PDE1A: variants seen among roughly 807,000 people sequenced by gnomAD.
The protein encoded by PDE1A is phosphodiesterase 1A.
Under a neutral mutation model 61.7 loss-of-function variants are expected in PDE1A, and 35 were observed. The observed-to-expected ratio is 0.57, with a 90% CI of 0.43 to 0.75. The LOEUF is 0.75. Ranked by LOEUF, PDE1A falls within the 30% of genes least tolerant of loss-of-function variation. PDE1A has a pLI of 0.00. For missense variants in PDE1A, 597 were observed against 630.6 expected (o/e 0.95, Z 0.57); for synonymous variants, 232 against 213.2 (o/e 1.09, Z -0.77).
intron 13 of PDE1A, among the ~76,000 whole-genome samples, chr2:182,180,767 G>A (rs752601424): frequency 7.9e-5 from 12 of 151,516 alleles, no homozygotes; most frequent in Admixed American, 4.6e-4. Context: ...CACATTTCTC[G>A]GAGGTTTTGT....
At chr2:182,574,086 C>T in the PDE1A span, among the ~76,000 whole-genome samples, 3 of 151,642 alleles carry the variant, frequency 2.0e-5, no homozygotes, top group Non-Finnish European at 2.9e-5. Context: ...CAATCCAAGT[C>T]CCAAAGGTGA....
At chr2:182,220,580 A>G (rs1171917215) in intron 7 of PDE1A, among the ~76,000 whole-genome samples, 1 of 152,144 alleles carries the variant, frequency 6.6e-6, no homozygotes, top group Non-Finnish European at 1.5e-5. Flanking sequence ...ACAGACTCTG[A>G]GCAACATCCA....
the PDE1A span, among the ~76,000 whole-genome samples, chr2:182,567,302 T>C: frequency 6.6e-6 from 1 of 152,184 alleles, no homozygotes; most frequent in Non-Finnish European, 1.5e-5. Context: ...GTTTGATATC[T>C]CTCCCAGCTG....
At chr2:182,599,088 C>T in the PDE1A span, among the ~76,000 whole-genome samples, 74 of 152,262 alleles carry the variant, frequency 4.9e-4, no homozygotes, top group African/African-American at 9.4e-4. Context: ...CCGCAGGTGT[C>T]GCTGCAACTA....
At chr2:182,644,350 T>C in the PDE1A span, among the ~76,000 whole-genome samples, 11 of 149,676 alleles carry the variant, frequency 7.3e-5, no homozygotes, top group Non-Finnish European at 1.2e-4. Flanking sequence ...AAAGTTGTTA[T>C]TAGATCCAAA....
At chr2:182,437,456 C>T (rs1269312149) in intron 2 of PDE1A, among the ~76,000 whole-genome samples, 1 of 151,836 alleles carries the variant, frequency 6.6e-6, no homozygotes, top group African/African-American at 2.4e-5. Flanking sequence ...CATTCATAGA[C>T]TTGTAAAGCT....
At chr2:182,575,928 CTA>C in the PDE1A span, among the ~76,000 whole-genome samples, 210 of 145,658 alleles carry the variant, frequency 1.4e-3, no homozygotes, top group African/African-American at 5.1e-3. Context: ...TATTATTATA[CTA>C]TATATAGTAT....
the PDE1A span, among the ~76,000 whole-genome samples, chr2:182,692,221 A>G: frequency 6.6e-6 from 1 of 152,020 alleles, no homozygotes; most frequent in Non-Finnish European, 1.5e-5. Context: ...AGACACACAC[A>G]CACGTTTATT....
At chr2:182,634,494 C>A in the PDE1A span, among the ~76,000 whole-genome samples, 2 of 152,152 alleles carry the variant, frequency 1.3e-5, no homozygotes, top group South Asian at 4.1e-4. Flanking sequence ...TGAAATAAAC[C>A]AAGCAACAGC....
At chr2:182,447,680 C>G (rs1240975706) in intron 2 of PDE1A, among the ~76,000 whole-genome samples, 1 of 152,044 alleles carries the variant, frequency 6.6e-6, no homozygotes, top group African/African-American at 2.4e-5. Flanking sequence ...TCTGAACAAC[C>G]ATAAATCTAT....
chr2:182,393,268 C>G (rs1312198049), intron 1 of PDE1A, among the ~76,000 whole-genome samples: 1 of 152,238 alleles, frequency 6.6e-6, no homozygotes, highest in Non-Finnish European at 1.5e-5. Context: ...GGCTTGCACC[C>G]TCTGAAGCAA....
chr2:182,364,518 G>GCTAGGAATCT (rs1699727590), intron 1 of PDE1A, among the ~76,000 whole-genome samples: 1 of 106,458 alleles, frequency 9.4e-6, no homozygotes, highest in Non-Finnish European at 1.8e-5. Flanking sequence ...TGAATTATTT[G>GCTAGGAATCT]CTAGGAATCT....
the PDE1A span, among the ~76,000 whole-genome samples, chr2:182,653,954 C>T: frequency 3.9e-5 from 6 of 152,224 alleles, no homozygotes; most frequent in Non-Finnish European, 7.4e-5. Context: ...GACCAGTTGG[C>T]ACAATGGCAT....
the PDE1A span, among the ~76,000 whole-genome samples, chr2:182,715,493 T>C: frequency 6.6e-6 from 1 of 152,206 alleles, no homozygotes; most frequent in Non-Finnish European, 1.5e-5. Flanking sequence ...CACAACTTAT[T>C]TCATGTTAGG....
intron 2 of PDE1A, among the ~76,000 whole-genome samples, chr2:182,483,297 A>G (rs1687817630): frequency 6.6e-6 from 1 of 151,982 alleles, no homozygotes; most frequent in African/African-American, 2.4e-5. Context: ...ATAAAGGGGT[A>G]TAGAAGACTT....
intron 13 of PDE1A, among the ~76,000 whole-genome samples, chr2:182,177,184 A>G (rs1466167862): frequency 6.6e-6 from 1 of 152,034 alleles, no homozygotes; most frequent in East Asian, 1.9e-4. Context: ...TTGGTATCAG[A>G]ATGATGCTGG....
chr2:182,272,680 G>A (rs941450549), intron 1 of PDE1A, among the ~76,000 whole-genome samples: 1 of 152,112 alleles, frequency 6.6e-6, no homozygotes, highest in African/African-American at 2.4e-5. Context: ...GAGTACAGAG[G>A]AAAGGAAGTG....
At chr2:182,544,330 G>A in the PDE1A span, among the ~76,000 whole-genome samples, 10 of 152,154 alleles carry the variant, frequency 6.6e-5, no homozygotes, top group Non-Finnish European at 1.3e-4. Flanking sequence ...AAATACAGCT[G>A]TCTGGTTTCC....
intron 2 of PDE1A, among the ~76,000 whole-genome samples, chr2:182,240,668 G>T (rs1690429641): frequency 6.6e-6 from 1 of 152,148 alleles, no homozygotes. Context: ...GAAGTAACTG[G>T]AGTGGGAAGA....
Sources: gnomAD v4.1 joint callset for allele counts (sites outside exome capture counted in the v4.1 genomes callset) on GRCh38, gnomAD v4.1.1 for gene constraint, MANE v1.5 for transcripts, NCBI Gene and HGNC (gene_info 2026-07-23, HGNC 2026-07-21) for gene names.